The following TRAPPC9 variants were observed in gnomAD, a reference collection of about 807,000 sequenced individuals.
TRAPPC9 encodes the protein IKK2 binding protein.
TRAPPC9 carries 83 observed loss-of-function variants against 124.0 expected under a neutral mutation model. That is an observed-to-expected ratio of 0.67 (90% CI 0.56 to 0.80). TRAPPC9 has a LOEUF of 0.80. Ranked by LOEUF, TRAPPC9 falls within the 30% of genes least tolerant of loss-of-function variation. The pLI, the probability that TRAPPC9 is intolerant of heterozygous loss-of-function variation, is 0.00. For synonymous variants in TRAPPC9, 638 were observed against 617.5 expected, an observed-to-expected ratio of 1.03 and a Z score of -0.49; for missense variants, 1,302 against 1,508.3, an observed-to-expected ratio of 0.86 and a Z score of 2.27.
intron 6 of TRAPPC9, among the ~76,000 whole-genome samples, chr8:140,404,909 C>CGTGTGAGCATGCGTGT: frequency 8.3e-6 from 1 of 120,058 alleles, no homozygotes; most frequent in Middle Eastern, 4.1e-3. Context: ...TGTGAGCATG[C>CGTGTGAGCATGCGTGT]GTGTGTGTGT....
chr8:140,315,288 G>A (rs771729977), intron 9 of TRAPPC9, among the ~76,000 whole-genome samples: 1 of 143,356 alleles, frequency 7.0e-6, no homozygotes, highest in African/African-American at 2.6e-5. Flanking sequence ...GATTTTGAGA[G>A]ATAAAATAAG....
At chr8:139,968,086 C>T (rs1263904317) in intron 19 of TRAPPC9, among the ~76,000 whole-genome samples, 5 of 151,360 alleles carry the variant, frequency 3.3e-5, no homozygotes, top group Non-Finnish European at 7.4e-5. Context: ...GGTTGGGAGA[C>T]TGCAGTGAGC....
intron 17 of TRAPPC9, among the ~76,000 whole-genome samples, chr8:140,201,492 T>G (rs773727362): frequency 1.3e-5 from 2 of 152,192 alleles, no homozygotes; most frequent in Non-Finnish European, 2.9e-5. Flanking sequence ...TTGACAAATT[T>G]TATTTTAAAC....
intron 9 of TRAPPC9, among the ~76,000 whole-genome samples, chr8:140,352,936 T>A (rs1187608348): frequency 6.6e-6 from 1 of 152,160 alleles, no homozygotes; most frequent in Admixed American, 6.5e-5. Context: ...AACAGTGCCA[T>A]CTTATGATAT....
chr8:140,410,619 G>A (rs539368032), intron 5 of TRAPPC9, among the ~76,000 whole-genome samples: 11 of 152,228 alleles, frequency 7.2e-5, no homozygotes, highest in South Asian at 2.1e-4. Context: ...CGAGGCGGGC[G>A]GACCACAAGG....
chr8:140,447,761 C>T (rs1410724835), intron 2 of TRAPPC9, among the ~76,000 whole-genome samples: 1 of 152,096 alleles, frequency 6.6e-6, no homozygotes, highest in Non-Finnish European at 1.5e-5. Context: ...TACAAAATAC[C>T]ACCCCATTTC....
intron 21 of TRAPPC9, among the ~76,000 whole-genome samples, chr8:139,738,914 G>A (rs867786314): frequency 6.6e-6 from 1 of 152,156 alleles, no homozygotes; most frequent in African/African-American, 2.4e-5. Flanking sequence ...TTCCTCTCAG[G>A]GATGTGGAGT....
chr8:140,047,590 G>A (rs576158333), intron 17 of TRAPPC9, among the ~76,000 whole-genome samples: 3 of 152,026 alleles, frequency 2.0e-5, no homozygotes, highest in African/African-American at 7.2e-5. Context: ...CCCAGCGGCC[G>A]CTGCTCAGCT....
At chr8:139,935,759 G>A (rs1007229407) in intron 19 of TRAPPC9, among the ~76,000 whole-genome samples, 3 of 147,074 alleles carry the variant, frequency 2.0e-5, no homozygotes, top group African/African-American at 7.5e-5. Context: ...AGTAACAAAA[G>A]AATTATTTTG....
At chr8:139,767,882 C>T (rs1244637002) in intron 21 of TRAPPC9, among the ~76,000 whole-genome samples, 1 of 152,220 alleles carries the variant, frequency 6.6e-6, no homozygotes, top group East Asian at 1.9e-4. Context: ...TGGATATTTT[C>T]ATACATGGCT....
intron 17 of TRAPPC9, among the ~76,000 whole-genome samples, chr8:140,174,939 G>A (rs2062032925): frequency 6.6e-6 from 1 of 151,446 alleles, no homozygotes; most frequent in Non-Finnish European, 1.5e-5. Flanking sequence ...GTGGAAATGT[G>A]GGCTCATATG....
chr8:140,378,800 T>G (rs567390277), intron 7 of TRAPPC9, among the ~76,000 whole-genome samples: 29 of 152,326 alleles, frequency 1.9e-4, no homozygotes, highest in African/African-American at 7.0e-4. Flanking sequence ...CCCTCCTATG[T>G]GAGCACTGAA....
chr8:140,089,299 G>C (rs1432531351), intron 17 of TRAPPC9, among the ~76,000 whole-genome samples: 1 of 152,114 alleles, frequency 6.6e-6, no homozygotes, highest in African/African-American at 2.4e-5. Context: ...TCTTTCAGAG[G>C]TCAGAAATAC....
At chr8:140,454,132 T>C (rs1220553502) in intron 1 of TRAPPC9, among the ~76,000 whole-genome samples, 1 of 151,140 alleles carries the variant, frequency 6.6e-6, no homozygotes, top group Non-Finnish European at 1.5e-5. Context: ...CTATTAAAAA[T>C]ACAAAAATTA....
intron 17 of TRAPPC9, among the ~76,000 whole-genome samples, chr8:140,071,854 G>A (rs772008183): frequency 4.6e-5 from 7 of 152,226 alleles, no homozygotes; most frequent in Non-Finnish European, 7.3e-5. Flanking sequence ...ATGACAAGCA[G>A]TAGGGAAAAG....
At chr8:140,164,454 T>C (rs969272263) in intron 17 of TRAPPC9, among the ~76,000 whole-genome samples, 1 of 152,240 alleles carries the variant, frequency 6.6e-6, no homozygotes, top group African/African-American at 2.4e-5. Flanking sequence ...CCTTCTTCCT[T>C]CTTCCTCTTC....
intron 21 of TRAPPC9, among the ~76,000 whole-genome samples, chr8:139,792,513 C>T (rs1209981570): frequency 6.6e-6 from 1 of 152,192 alleles, no homozygotes; most frequent in African/African-American, 2.4e-5. Flanking sequence ...CCCACTGTTC[C>T]CACTGAACGA....
At chr8:140,074,379 A>G (rs1284075628) in intron 17 of TRAPPC9, among the ~76,000 whole-genome samples, 2 of 152,092 alleles carry the variant, frequency 1.3e-5, no homozygotes, top group African/African-American at 4.8e-5. Flanking sequence ...AAAAGCCACT[A>G]CTTTGGGCTT....
chr8:140,287,145 G>A (rs2065507437), intron 13 of TRAPPC9, among the ~76,000 whole-genome samples: 1 of 152,104 alleles, frequency 6.6e-6, no homozygotes, highest in African/African-American at 2.4e-5. Flanking sequence ...ACTGAGGAGC[G>A]AATTTAGAAA....
Sources: allele counts gnomAD v4.1 joint callset (sites outside exome capture counted in the v4.1 genomes callset), GRCh38; gene constraint gnomAD v4.1.1; transcripts MANE v1.5; gene names NCBI Gene and HGNC (gene_info 2026-07-23, HGNC 2026-07-21).